The following RARB variants were observed in gnomAD, a reference collection of about 807,000 sequenced individuals.
RARB encodes HBV-activated protein.
In RARB, 17 loss-of-function variants were observed where a neutral mutation model predicts 51.9. The observed-to-expected ratio is 0.33, with a 90% CI of 0.22 to 0.49. RARB has a LOEUF of 0.49. Among genes scored for constraint, RARB ranks in the 20% least tolerant of loss-of-function variants. RARB has a pLI of 0.99. For missense variants in RARB, 369 were observed against 550.8 expected (o/e 0.67, Z 3.30); for synonymous variants, 215 against 195.4 (o/e 1.10, Z -0.84).
At chr3:25,311,126 G>T (rs951040678) in intron 5 of RARB, among the ~76,000 whole-genome samples, 1 of 152,188 alleles carries the variant, frequency 6.6e-6, no homozygotes, top group Non-Finnish European at 1.5e-5. Context: ...CATAGAGGGT[G>T]TCGGGTTTGT....
At chr3:25,000,012 A>C (rs2125274470) in intron 2 of RARB, among the ~76,000 whole-genome samples, 1 of 152,154 alleles carries the variant, frequency 6.6e-6, no homozygotes, top group South Asian at 2.1e-4. Flanking sequence ...GTCCAGGAGA[A>C]GTGGGGACAT....
chr3:25,129,591 C>A (rs1384231299), intron 3 of RARB, among the ~76,000 whole-genome samples: 1 of 151,990 alleles, frequency 6.6e-6, no homozygotes, highest in African/African-American at 2.4e-5. Context: ...AATATTTTAT[C>A]TTCAATAAGC....
intron 2 of RARB, among the ~76,000 whole-genome samples, chr3:25,009,583 AG>A (rs1697350451): frequency 2.0e-5 from 3 of 152,154 alleles, no homozygotes; most frequent in Admixed American, 6.6e-5. Context: ...TAATTGTCAC[AG>A]GGAGTCCTCA....
chr3:25,438,074 T>C (rs1708506959), intron 1 of RARB, among the ~76,000 whole-genome samples: 1 of 152,302 alleles, frequency 6.6e-6, no homozygotes, highest in Admixed American at 6.5e-5. Flanking sequence ...CATGGCTAAA[T>C]TGGGCTGGCA....
intron 3 of RARB, among the ~76,000 whole-genome samples, chr3:25,073,615 G>C (rs1698814528): frequency 6.6e-6 from 1 of 152,146 alleles, no homozygotes; most frequent in South Asian, 2.1e-4. Flanking sequence ...CCCCCTTTCT[G>C]TGGATACTTC....
At chr3:24,905,548 AG>A (rs1357478720) in intron 2 of RARB, among the ~76,000 whole-genome samples, 2 of 152,180 alleles carry the variant, frequency 1.3e-5, no homozygotes. Flanking sequence ...GGAGATTACT[AG>A]GTAGAGTTTT....
intron 5 of RARB, among the ~76,000 whole-genome samples, chr3:25,295,820 A>G (rs1703902400): frequency 1.3e-5 from 2 of 152,230 alleles, no homozygotes; most frequent in Admixed American, 1.3e-4. Flanking sequence ...GATCACCAAC[A>G]GCAGAAAATA....
At chr3:25,581,827 G>T (rs1701190302) in intron 5 of RARB, among the ~76,000 whole-genome samples, 1 of 152,074 alleles carries the variant, frequency 6.6e-6, no homozygotes, top group Non-Finnish European at 1.5e-5. Context: ...TAAGATGAGA[G>T]CCCTCACCAA....
chr3:25,322,626 T>C (rs1704604908), intron 5 of RARB, among the ~76,000 whole-genome samples: 1 of 152,240 alleles, frequency 6.6e-6, no homozygotes, highest in African/African-American at 2.4e-5. Context: ...ATTAATTTTA[T>C]AATCATATTT....
At chr3:25,344,163 A>G (rs1388856780) in intron 5 of RARB, among the ~76,000 whole-genome samples, 1 of 152,128 alleles carries the variant, frequency 6.6e-6, no homozygotes, top group African/African-American at 2.4e-5. Flanking sequence ...TAAACTCTTC[A>G]TTTCTTCTTT....
chr3:24,911,542 T>C (rs1308747152), intron 2 of RARB, among the ~76,000 whole-genome samples: 3 of 145,272 alleles, frequency 2.1e-5, no homozygotes, highest in African/African-American at 7.3e-5. Flanking sequence ...TACCCAGTTT[T>C]TATTTTTATT....
chr3:24,908,663 GTTTTTTTTTTTT>G (rs59008287), intron 2 of RARB, among the ~76,000 whole-genome samples: 1 of 93,462 alleles, frequency 1.1e-5, no homozygotes, highest in Non-Finnish European at 2.0e-5. Flanking sequence ...AACCACAACT[GTTTTTTTTTTTT>G]TTTTTTTTTT....
At chr3:25,193,491 T>C (rs1701153309) in intron 5 of RARB, among the ~76,000 whole-genome samples, 1 of 152,106 alleles carries the variant, frequency 6.6e-6, no homozygotes, top group African/African-American at 2.4e-5. Context: ...CTGATTGTGC[T>C]TTTTATTGTT....
intron 5 of RARB, among the ~76,000 whole-genome samples, chr3:25,348,712 C>T (rs1183961870): frequency 1.3e-5 from 2 of 152,156 alleles, no homozygotes. Context: ...TAAATCTTAA[C>T]GTTTTTTCTA....
intron 5 of RARB, among the ~76,000 whole-genome samples, chr3:25,205,605 C>G (rs1452746407): frequency 6.6e-6 from 1 of 152,126 alleles, no homozygotes; most frequent in Admixed American, 6.5e-5. Context: ...AAAATAAATG[C>G]TTGAGGTGAT....
chr3:25,471,139 A>AC (rs1695668506), intron 2 of RARB, among the ~76,000 whole-genome samples: 1 of 152,234 alleles, frequency 6.6e-6, no homozygotes, highest in South Asian at 2.1e-4. Context: ...ATTCATGTAA[A>AC]CATTCATGGA....
intron 2 of RARB, among the ~76,000 whole-genome samples, chr3:24,864,402 G>A (rs1188263731): frequency 6.6e-6 from 1 of 152,072 alleles, no homozygotes; most frequent in African/African-American, 2.4e-5. Context: ...TACTTCCCTG[G>A]CTCTCTTCCT....
chr3:24,845,567 TAACTGTA>T (rs1463310934), intron 1 of RARB, among the ~76,000 whole-genome samples: 2 of 152,338 alleles, frequency 1.3e-5, no homozygotes, highest in African/African-American at 4.8e-5. Flanking sequence ...TGGCCATGTT[TAACTGTA>T]AAGGAGGCTG....
At chr3:24,904,944 T>C (rs1694823089) in intron 2 of RARB, among the ~76,000 whole-genome samples, 1 of 152,078 alleles carries the variant, frequency 6.6e-6, no homozygotes. Flanking sequence ...TTCTCAGTCG[T>C]TAAGTGGGAG....
Sources: allele counts gnomAD v4.1 joint callset (sites outside exome capture counted in the v4.1 genomes callset), GRCh38; gene constraint gnomAD v4.1.1; transcripts MANE v1.5; gene names NCBI Gene and HGNC (gene_info 2026-07-23, HGNC 2026-07-21).